Variants in FNDC3B observed in about 807,000 individuals in gnomAD.
The protein encoded by FNDC3B is fibronectin type III domain containing 3B.
FNDC3B carries 12 observed loss-of-function variants against 151.5 expected under a neutral mutation model. The observed-to-expected ratio is 0.08, with a 90% CI of 0.05 to 0.13. FNDC3B has a LOEUF of 0.13. FNDC3B is among the 10% of genes least tolerant of loss of function. The pLI, the probability that FNDC3B is intolerant of heterozygous loss-of-function variation, is 1.00. For missense variants in FNDC3B, 1,214 were observed against 1,505.3 expected (o/e 0.81, Z 3.20); for synonymous variants, 528 against 549.0 (o/e 0.96, Z 0.54).
At chr3:172,219,825 G>A (rs1167877057) in intron 3 of FNDC3B, among the ~76,000 whole-genome samples, 1 of 152,118 alleles carries the variant, frequency 6.6e-6, no homozygotes, top group Non-Finnish European at 1.5e-5. Flanking sequence ...GTATTCTATG[G>A]TTTGTACACA....
At chr3:172,317,770 A>G (rs934513452) in intron 11 of FNDC3B, among the ~76,000 whole-genome samples, 4 of 152,244 alleles carry the variant, frequency 2.6e-5, no homozygotes, top group Non-Finnish European at 5.9e-5. Context: ...TGTATAAGGA[A>G]TATGACATTC....
At chr3:172,091,398 AGGC>A (rs1315821484) in intron 1 of FNDC3B, among the ~76,000 whole-genome samples, 1 of 152,220 alleles carries the variant, frequency 6.6e-6, no homozygotes, top group African/African-American at 2.4e-5. Flanking sequence ...ATGTGAATAG[AGGC>A]AGTACATATG....
intron 1 of FNDC3B, among the ~76,000 whole-genome samples, chr3:172,105,768 C>T (rs1719616182): frequency 6.6e-6 from 1 of 152,118 alleles, no homozygotes; most frequent in Admixed American, 6.6e-5. Context: ...CAGGATGTTT[C>T]TCTGCTGTAT....
chr3:172,134,331 A>G (rs1400741523), intron 3 of FNDC3B: 4 of 516,570 alleles, frequency 7.7e-6, no homozygotes, highest in South Asian at 5.6e-5. Flanking sequence ...AGATCAACCT[A>G]GATCTGATGT....
chr3:172,204,889 T>G (rs528431227), intron 3 of FNDC3B, among the ~76,000 whole-genome samples: 22 of 152,226 alleles, frequency 1.4e-4, no homozygotes, highest in Non-Finnish European at 2.9e-4. Context: ...TGAAACTCAG[T>G]GAGCACATGG....
chr3:172,366,386 T>C (rs985565592), intron 23 of FNDC3B, among the ~76,000 whole-genome samples: 1 of 152,204 alleles, frequency 6.6e-6, no homozygotes, highest in African/African-American at 2.4e-5. Context: ...CGCTAAGCAT[T>C]GAGAGCTTTG....
At chr3:172,389,131 C>T (rs542450431) in intron 25 of FNDC3B, among the ~76,000 whole-genome samples, 2 of 152,150 alleles carry the variant, frequency 1.3e-5, no homozygotes, top group African/African-American at 4.8e-5. Context: ...TTTTAAAACC[C>T]CATCAGTTTA....
chr3:172,145,350 G>T (rs1246232244), intron 3 of FNDC3B, among the ~76,000 whole-genome samples: 1 of 152,142 alleles, frequency 6.6e-6, no homozygotes, highest in Non-Finnish European at 1.5e-5. Context: ...TCCTTTTCTT[G>T]CTCTGTCTTC....
At chr3:172,353,442 T>G (rs1733950470) in intron 22 of FNDC3B, among the ~76,000 whole-genome samples, 1 of 152,184 alleles carries the variant, frequency 6.6e-6, no homozygotes, top group Admixed American at 6.5e-5. Context: ...ACCTTAACAG[T>G]GGCTTAAATG....
chr3:172,363,800 C>T (rs946869488), intron 23 of FNDC3B, among the ~76,000 whole-genome samples: 3 of 152,190 alleles, frequency 2.0e-5, no homozygotes, highest in Admixed American at 1.3e-4. Context: ...GTCCTGTGGG[C>T]CTTCAGTGGA....
At chr3:172,059,341 TG>T (rs1054378956) in intron 1 of FNDC3B, among the ~76,000 whole-genome samples, 15 of 152,258 alleles carry the variant, frequency 9.9e-5, no homozygotes, top group African/African-American at 3.1e-4. Context: ...ACCTTCCCAG[TG>T]GGTTTTTGGA....
intron 23 of FNDC3B, among the ~76,000 whole-genome samples, chr3:172,363,238 A>G (rs1734449989): frequency 6.6e-6 from 1 of 152,202 alleles, no homozygotes; most frequent in Non-Finnish European, 1.5e-5. Flanking sequence ...AACCATCAGG[A>G]CAAACATGTT....
chr3:172,383,343 T>C (rs1343049713), intron 25 of FNDC3B, among the ~76,000 whole-genome samples: 1 of 152,240 alleles, frequency 6.6e-6, no homozygotes, highest in Non-Finnish European at 1.5e-5. Context: ...TGAAGTTGCT[T>C]ATCAACTTAA....
chr3:172,192,089 G>A (rs1221818948), intron 3 of FNDC3B, among the ~76,000 whole-genome samples: 1 of 152,096 alleles, frequency 6.6e-6, no homozygotes, highest in Non-Finnish European at 1.5e-5. Context: ...TGGGAAGGTG[G>A]AGGAAGGCTT....
chr3:172,344,203 A>G lies in FNDC3B; in HGVS notation c.2195A>G (p.Asn732Ser), dbSNP rs747781316. ...HGPELECTVGNLLPGTVYRFR... is the reference protein window; with the variant it reads ...HGPELECTVGSLLPGTVYRFR... Reference sequence around the variant, plus strand: ...CCAGAGCTGGAGTGCACCGTCGGCAACCTGCTTCCTGGAACCGTGTATCGC... The same window carrying G: ...CCAGAGCTGGAGTGCACCGTCGGCAGCCTGCTTCCTGGAACCGTGTATCGC... Residue 732 changes from asparagine (N) to serine (S), a missense_variant, in exon 19 of 26, where the codon AAC (asparagine) becomes AGC (serine). Physicochemically the swap from Asn to Ser is conservative, Grantham distance 46. Coordinates refer to ENST00000415807, the MANE Select transcript of FNDC3B (RefSeq NM_022763.4). 3.7e-6 allele frequency: 6 copies of G among 1,614,136 alleles called. No individual in the cohort carries two copies. Among genetic ancestry groups the G allele is most frequent in the East Asian group, 2.2e-5 (1 of 44,886 alleles).
chr3:172,065,592 G>A (rs1456974434), intron 1 of FNDC3B, among the ~76,000 whole-genome samples: 1 of 152,242 alleles, frequency 6.6e-6, no homozygotes, highest in African/African-American at 2.4e-5. Context: ...TACTATATGT[G>A]TAAAACTCCA....
At chr3:172,081,037 A>G (rs1374224788) in intron 1 of FNDC3B, among the ~76,000 whole-genome samples, 1 of 152,230 alleles carries the variant, frequency 6.6e-6, no homozygotes, top group African/African-American at 2.4e-5. Flanking sequence ...TACTTTAACA[A>G]TTGATATATA....
chr3:172,224,767 G>A (rs1354803191), intron 3 of FNDC3B, among the ~76,000 whole-genome samples: 1 of 152,164 alleles, frequency 6.6e-6, no homozygotes, highest in Non-Finnish European at 1.5e-5. Context: ...TTTCATTGCC[G>A]ACAGCACAAC....
At chr3:172,386,065 C>G (rs1735692452) in intron 25 of FNDC3B, among the ~76,000 whole-genome samples, 1 of 152,204 alleles carries the variant, frequency 6.6e-6, no homozygotes, top group Non-Finnish European at 1.5e-5. Flanking sequence ...CACAATTTTA[C>G]TCTTCATTAG....
Sources: allele counts gnomAD v4.1 joint callset (sites outside exome capture counted in the v4.1 genomes callset), GRCh38; gene constraint gnomAD v4.1.1; transcripts MANE v1.5; gene names NCBI Gene and HGNC (gene_info 2026-07-23, HGNC 2026-07-21).